The following PLCB1 variants were observed in gnomAD, a reference collection of about 807,000 sequenced individuals.
PLCB1 encodes the protein 1-phosphatidylinositol 4,5-bisphosphate phosphodiesterase beta-1.
In PLCB1, 46 loss-of-function variants were observed where a neutral mutation model predicts 161.8. The observed-to-expected ratio is 0.28, with a 90% CI of 0.22 to 0.36. PLCB1 has a LOEUF of 0.36. Ranked by LOEUF, PLCB1 falls within the 10% of genes least tolerant of loss-of-function variation. The probability of loss-of-function intolerance (pLI) is 1.00; values close to 1 mark genes in which losing one functional copy is unlikely to be tolerated. For synonymous variants in PLCB1, 517 were observed against 503.7 expected, an observed-to-expected ratio of 1.03 and a Z score of -0.35; for missense variants, 1,016 against 1,472.5, an observed-to-expected ratio of 0.69 and a Z score of 5.07.
chr20:8,261,878 A>G (rs1423892896), intron 2 of PLCB1, among the ~76,000 whole-genome samples: 4 of 152,158 alleles, frequency 2.6e-5, no homozygotes, highest in Non-Finnish European at 5.9e-5. Flanking sequence ...TCAGACACAC[A>G]AGTCTCCATG....
chr20:8,434,678 T>G (rs772693642), intron 3 of PLCB1, among the ~76,000 whole-genome samples: 4 of 152,198 alleles, frequency 2.6e-5, no homozygotes, highest in Non-Finnish European at 5.9e-5. Context: ...CACTGAAGTC[T>G]AGAGAGGTTA....
At chr20:8,793,502 G>C (rs1189512006) in intron 31 of PLCB1, among the ~76,000 whole-genome samples, 1 of 151,802 alleles carries the variant, frequency 6.6e-6, no homozygotes, top group African/African-American at 2.4e-5. Flanking sequence ...TTTAAGGCTG[G>C]GTGTCCGGGG....
At chr20:8,269,252 A>G (rs527577421) in intron 2 of PLCB1, among the ~76,000 whole-genome samples, 9 of 151,830 alleles carry the variant, frequency 5.9e-5, no homozygotes, top group African/African-American at 1.9e-4. Flanking sequence ...AACCCCTGAC[A>G]GGCCCCGGTC....
At chr20:8,295,108 A>G (rs371116161) in intron 2 of PLCB1, among the ~76,000 whole-genome samples, 8 of 152,312 alleles carry the variant, frequency 5.3e-5, no homozygotes, top group African/African-American at 1.9e-4. Flanking sequence ...AAAACTATAC[A>G]ATGAAACAGG....
intron 31 of PLCB1, among the ~76,000 whole-genome samples, chr20:8,810,018 A>G (rs1233970862): frequency 1.3e-5 from 2 of 152,138 alleles, no homozygotes; most frequent in Admixed American, 6.5e-5. Flanking sequence ...TTTTTCCTCT[A>G]AAAGTTTTAT....
intron 3 of PLCB1, among the ~76,000 whole-genome samples, chr20:8,572,613 T>A (rs1268682893): frequency 6.6e-6 from 1 of 152,214 alleles, no homozygotes; most frequent in Non-Finnish European, 1.5e-5. Flanking sequence ...AAATTCAATA[T>A]GTGAGCAGGG....
At chr20:8,657,949 ATTC>A (rs1177977025) in intron 8 of PLCB1, among the ~76,000 whole-genome samples, 2 of 152,150 alleles carry the variant, frequency 1.3e-5, no homozygotes, top group Non-Finnish European at 2.9e-5. Context: ...GACATTGCAT[ATTC>A]TTGCTTTGTG....
intron 3 of PLCB1, among the ~76,000 whole-genome samples, chr20:8,568,954 T>C (rs970376481): frequency 1.3e-5 from 2 of 152,172 alleles, no homozygotes; most frequent in African/African-American, 4.8e-5. Context: ...CTAATCCCAC[T>C]GGAGTATTGG....
chr20:8,333,241 C>T (rs974275867), intron 2 of PLCB1, among the ~76,000 whole-genome samples: 1 of 152,142 alleles, frequency 6.6e-6, no homozygotes, highest in African/African-American at 2.4e-5. Context: ...AGCCATCTGA[C>T]CATGAATACC....
chr20:8,774,754 C>T (rs773813856), intron 27 of PLCB1, 35 bp downstream of exon 27: 1 of 1,539,252 alleles, frequency 6.5e-7, no homozygotes, highest in Non-Finnish European at 8.9e-7. Flanking sequence ...GTTTGTGCAA[C>T]TGGAACTCCC....
intron 31 of PLCB1, among the ~76,000 whole-genome samples, chr20:8,852,663 ACATCC>A (rs1199248037): frequency 6.6e-6 from 1 of 152,242 alleles, no homozygotes; most frequent in Non-Finnish European, 1.5e-5. Context: ...GCTCACTTTT[ACATCC>A]TAAGATTGGA....
At chr20:8,291,529 G>A (rs1352114303) in intron 2 of PLCB1, among the ~76,000 whole-genome samples, 2 of 152,184 alleles carry the variant, frequency 1.3e-5, no homozygotes, top group Non-Finnish European at 2.9e-5. Context: ...TCATGTGAGT[G>A]TATAGACACT....
intron 2 of PLCB1, among the ~76,000 whole-genome samples, chr20:8,357,116 TA>T (rs1300191905): frequency 6.6e-6 from 1 of 152,182 alleles, no homozygotes; most frequent in Non-Finnish European, 1.5e-5. Context: ...AATTATTTAT[TA>T]AGAAAAATTA....
chr20:8,773,072 G>T (rs991298201), intron 26 of PLCB1, among the ~76,000 whole-genome samples: 117 of 152,134 alleles, frequency 7.7e-4, no homozygotes, highest in African/African-American at 2.6e-3. Flanking sequence ...AATGCAAAAA[G>T]AAACTTGAGA....
chr20:8,526,474 A>T (rs1339781225), intron 3 of PLCB1, among the ~76,000 whole-genome samples: 1 of 152,060 alleles, frequency 6.6e-6, no homozygotes, highest in African/African-American at 2.4e-5. Flanking sequence ...TCTCATTTGG[A>T]ACTAGAAAAT....
intron 7 of PLCB1, chr20:8,651,943 CCTTTTGCAATCA>C (rs1392269418): frequency 6.4e-6 from 1 of 156,578 alleles, no homozygotes; most frequent in African/African-American, 2.4e-5. Context: ...GAATTTTTTT[CCTTTTGCAATCA>C]CTTCTGATTT....
Position 8,657,222 on chromosome 20 carries a change from G to A in PLCB1, c.633G>A (p.Val211=). ...CTCAAGAAGATTTCACTCCAGAAGT[G>A]TACAGAGTTTTCCTCAACAACCTTT... ...SIPQEDFTPE[V]YRVFLNNLCP... is the part of the protein sequence containing the mutation. The change falls in exon 8 of 32, where the codon GTG becomes GTA. Residue 211 remains valine, a synonymous_variant. Transcript: ENST00000338037. The A allele has an allele frequency of 1.9e-6, 3 of 1,610,366 alleles. No individual in the cohort carries two copies. Among genetic ancestry groups the A allele is most frequent in the Middle Eastern group, 1.7e-4 (1 of 6,050 alleles).
intron 2 of PLCB1, among the ~76,000 whole-genome samples, chr20:8,361,480 C>G (rs185406919): frequency 1.3e-3 from 200 of 152,176 alleles, no homozygotes; most frequent in African/African-American, 4.5e-3. Context: ...CACAGATTGT[C>G]GGGCCACCCC....
At chr20:8,823,411 T>C (rs6056174) in intron 31 of PLCB1, among the ~76,000 whole-genome samples, 4,025 of 152,168 alleles carry the variant, frequency 0.026, 165 homozygotes, top group African/African-American at 0.092. Flanking sequence ...GCCTGAGCCA[T>C]CATGCCCCGC....
Sources: gnomAD v4.1 joint callset for allele counts (sites outside exome capture counted in the v4.1 genomes callset) on GRCh38, gnomAD v4.1.1 for gene constraint, MANE v1.5 for transcripts, NCBI Gene and HGNC (gene_info 2026-07-23, HGNC 2026-07-21) for gene names.